Variants in ATP10D observed in about 807,000 individuals in gnomAD.
The protein encoded by ATP10D is ATPase phospholipid transporting 10D (putative).
A neutral mutation model predicts 144.8 loss-of-function variants in ATP10D; 89 were observed. The observed-to-expected ratio is 0.61, with a 90% CI of 0.52 to 0.73. The LOEUF (loss-of-function observed/expected upper bound fraction) is 0.73. ATP10D is among the 30% of genes least tolerant of loss of function. ATP10D has a pLI of 0.00. For missense variants in ATP10D, 1,603 were observed against 1,714.8 expected (o/e 0.93, Z 1.15); for synonymous variants, 571 against 615.1 (o/e 0.93, Z 1.06).
At chr4:47,527,184 G>A (rs1717291226) in intron 5 of ATP10D, among the ~76,000 whole-genome samples, 1 of 152,058 alleles carries the variant, frequency 6.6e-6, no homozygotes, top group South Asian at 2.1e-4. Flanking sequence ...TAACAAAGGT[G>A]CAAAGACACA....
At chr4:47,505,686 A>G (rs965859789) in intron 1 of ATP10D, among the ~76,000 whole-genome samples, 2 of 152,004 alleles carry the variant, frequency 1.3e-5, no homozygotes, top group Non-Finnish European at 2.9e-5. Flanking sequence ...CAGTGAGCTG[A>G]GATCGAGCCA....
At chr4:47,547,501 C>T (rs1718500319) in intron 10 of ATP10D, 1 of 152,152 alleles carries the variant, frequency 6.6e-6, no homozygotes. Flanking sequence ...GGGAAAGGTG[C>T]TGTGTGAAAA....
chr4:47,567,893 T>C (rs931571118), intron 15 of ATP10D, among the ~76,000 whole-genome samples: 1 of 152,238 alleles, frequency 6.6e-6, no homozygotes, highest in Non-Finnish European at 1.5e-5. Context: ...GCAAACAAGC[T>C]TTGAGTGAGA....
chr4:47,536,853 C>A lies in ATP10D; in HGVS notation c.1311C>A (p.Ser437=), dbSNP rs139063237. 8 of 1,613,280 alleles carry A rather than the reference C, an allele frequency of 5.0e-6. No individual in the cohort carries two copies. Among genetic ancestry groups the A allele is most frequent in the South Asian group, 1.1e-5 (1 of 91,036 alleles). The change falls in exon 9 of 23, where the codon TCC becomes TCA. Residue 437 remains serine, a synonymous_variant. Transcript: ENST00000273859. ...TGGGACAGATTCAGTACCTCTTTTC[C>A]GATAAGACAGGAACCCTCACTGAGA... The part of the protein sequence containing the change: ...EDLGQIQYLF[S]DKTGTLTENK...
At chr4:47,509,903 G>A (rs903623747) in intron 1 of ATP10D, among the ~76,000 whole-genome samples, 1 of 151,708 alleles carries the variant, frequency 6.6e-6, no homozygotes, top group Non-Finnish European at 1.5e-5. Context: ...CATTGCAGGT[G>A]GTAAGGGTAA....
chr4:47,532,071 G>A (rs1253218735), intron 5 of ATP10D, among the ~76,000 whole-genome samples: 1 of 152,132 alleles, frequency 6.6e-6, no homozygotes, highest in Non-Finnish European at 1.5e-5. Flanking sequence ...CTGAGACTCC[G>A]GCTCTTGCTA....
Position 47,568,556 on chromosome 4 carries a change from T to G in ATP10D, c.2854-281T>G, listed in dbSNP as rs775375070. ...TTGGCAGAATGAGACCAGAGGACTC[T>G]TGGGATTCACTGTTCAAGAAGGCAA... On this transcript the variant is annotated intron_variant, in intron 15 of 22. Coordinates refer to ENST00000273859, the MANE Select transcript of ATP10D (RefSeq NM_020453.4). Among the ~76,000 whole-genome samples the G allele has an allele frequency of 2.1e-4, 32 of 152,322 alleles. 1 individual carries two copies. Among genetic ancestry groups the G allele is most frequent in the South Asian group, 2.1e-4 (1 of 4,822 alleles).
chr4:47,590,984 G>C, intron 22 of ATP10D, 58 bp from the exon 23 acceptor site: 1 of 1,196,796 alleles, frequency 8.4e-7, no homozygotes, highest in Non-Finnish European at 1.1e-6. Flanking sequence ...TTTGGGGGGG[G>C]GGGTTCTGTA....
intron 1 of ATP10D, among the ~76,000 whole-genome samples, chr4:47,505,188 A>G (rs1715954433): frequency 6.6e-6 from 1 of 152,230 alleles, no homozygotes; most frequent in Non-Finnish European, 1.5e-5. Context: ...CTGTCAAGCC[A>G]TTAGTGCATA....
At chr4:47,585,511 C>A (rs1720744672) in intron 21 of ATP10D, among the ~76,000 whole-genome samples, 1 of 152,070 alleles carries the variant, frequency 6.6e-6, no homozygotes, top group Non-Finnish European at 1.5e-5. Flanking sequence ...CAAATAGATC[C>A]TTTAAGTTAT....
chr4:47,567,444 G>C (rs1321033653), intron 15 of ATP10D, among the ~76,000 whole-genome samples: 1 of 152,120 alleles, frequency 6.6e-6, no homozygotes, highest in Non-Finnish European at 1.5e-5. Context: ...CACACAGACT[G>C]TATTCTGTAT....
chr4:47,542,799 C>T (rs1251658488), intron 9 of ATP10D, among the ~76,000 whole-genome samples: 1 of 152,142 alleles, frequency 6.6e-6, no homozygotes, highest in Non-Finnish European at 1.5e-5. Flanking sequence ...TCATAGCTTC[C>T]ACAAAATGAT....
At chr4:47,577,113 G>T in intron 19 of ATP10D, 140 bp downstream of exon 19, 5 of 750,554 alleles carry the variant, frequency 6.7e-6, no homozygotes, top group Non-Finnish European at 1.1e-5. Context: ...TACTTATGTG[G>T]CAGATATTCA....
intron 10 of ATP10D, among the ~76,000 whole-genome samples, chr4:47,548,300 T>C (rs746878961): frequency 1.3e-5 from 2 of 152,216 alleles, no homozygotes; most frequent in Non-Finnish European, 2.9e-5. Context: ...TCTCTTCATA[T>C]ACTACCTCTA....
At chr4:47,535,747 G>A in intron 6 of ATP10D, 132 bp downstream of exon 6, 1 of 1,325,916 alleles carries the variant, frequency 7.5e-7, no homozygotes, top group Non-Finnish European at 1.0e-6. Context: ...ATTGGTCTCT[G>A]TTTTTCTAAA....
chr4:47,500,458 G>A (rs1715624361), intron 1 of ATP10D, among the ~76,000 whole-genome samples: 1 of 152,228 alleles, frequency 6.6e-6, no homozygotes, highest in Admixed American at 6.5e-5. Context: ...CAGGTTGATT[G>A]TAATAAAGGT....
intron 21 of ATP10D, 132 bp from the exon 22 acceptor site, chr4:47,586,887 G>A: frequency 1.4e-6 from 1 of 714,688 alleles, no homozygotes; most frequent in South Asian, 1.8e-5. Context: ...CTTATATTTT[G>A]TTTATTCAGG....
At chr4:47,576,041 C>T (rs1265663825) in intron 18 of ATP10D, among the ~76,000 whole-genome samples, 3 of 149,196 alleles carry the variant, frequency 2.0e-5, no homozygotes, top group African/African-American at 5.0e-5. Context: ...ACGCCATTCT[C>T]CTGCCTCAGC....
intron 18 of ATP10D, among the ~76,000 whole-genome samples, chr4:47,575,960 C>T (rs1178043604): frequency 8.7e-6 from 1 of 114,402 alleles, no homozygotes; most frequent in East Asian, 3.0e-4. Context: ...GAGACGGAGT[C>T]TCGCTCTGTC....
Sources: gnomAD v4.1 joint callset for allele counts (sites outside exome capture counted in the v4.1 genomes callset) on GRCh38, gnomAD v4.1.1 for gene constraint, MANE v1.5 for transcripts, NCBI Gene and HGNC (gene_info 2026-07-23, HGNC 2026-07-21) for gene names.